RABGAP1L: variants seen among roughly 807,000 people sequenced by gnomAD.
The protein encoded by RABGAP1L is RAB GTPase activating protein 1 like, also known as rab GTPase-activating protein 1-like.
RABGAP1L carries 63 observed loss-of-function variants against 137.7 expected under a neutral mutation model. That is an observed-to-expected ratio of 0.46 (90% CI 0.37 to 0.56). The LOEUF is 0.56. RABGAP1L is among the 20% of genes least tolerant of loss of function. RABGAP1L has a pLI of 0.00. For missense variants in RABGAP1L, 1,095 were observed against 1,244.0 expected (o/e 0.88, Z 1.80); for synonymous variants, 431 against 433.7 (o/e 0.99, Z 0.08).
chr1:174,842,195 T>C (rs1356014375), intron 19 of RABGAP1L, among the ~76,000 whole-genome samples: 1 of 152,230 alleles, frequency 6.6e-6, no homozygotes, highest in Non-Finnish European at 1.5e-5. Flanking sequence ...TTAGCATTAC[T>C]ACAAATGCCT....
chr1:174,982,397 G>C (rs1194633942), intron 23 of RABGAP1L, among the ~76,000 whole-genome samples: 4 of 152,104 alleles, frequency 2.6e-5, no homozygotes, highest in Non-Finnish European at 5.9e-5. Flanking sequence ...CACTTCTTAA[G>C]GAAACTTTTG....
At chr1:174,733,070 A>C (rs1278920112) in intron 17 of RABGAP1L, among the ~76,000 whole-genome samples, 1 of 152,164 alleles carries the variant, frequency 6.6e-6, no homozygotes, top group African/African-American at 2.4e-5. Flanking sequence ...TAAGTCATAT[A>C]GTTAGGAGGA....
At chr1:174,690,439 A>G (rs1651287031) in intron 15 of RABGAP1L, among the ~76,000 whole-genome samples, 1 of 152,236 alleles carries the variant, frequency 6.6e-6, no homozygotes, top group African/African-American at 2.4e-5. Flanking sequence ...TATTATATTT[A>G]TAATGTAAAA....
intron 13 of RABGAP1L, among the ~76,000 whole-genome samples, chr1:174,610,447 G>A (rs1049030449): frequency 6.6e-6 from 1 of 151,596 alleles, no homozygotes; most frequent in African/African-American, 2.4e-5. Flanking sequence ...TCTTAATCCA[G>A]TCTATCATTG....
intron 17 of RABGAP1L, among the ~76,000 whole-genome samples, chr1:174,719,129 G>A (rs936686508): frequency 5.9e-5 from 9 of 151,956 alleles, no homozygotes; most frequent in Admixed American, 1.3e-4. Flanking sequence ...GTGAGCCACC[G>A]CACCCGGCCT....
intron 19 of RABGAP1L, among the ~76,000 whole-genome samples, chr1:174,932,124 A>C (rs2149262667): frequency 6.6e-6 from 1 of 151,140 alleles, no homozygotes; most frequent in African/African-American, 2.4e-5. Context: ...TTGGTAAATT[A>C]GAAAGGACCC....
At chr1:174,174,758 A>T (rs1269482662) in intron 1 of RABGAP1L, among the ~76,000 whole-genome samples, 1 of 152,178 alleles carries the variant, frequency 6.6e-6, no homozygotes, top group Admixed American at 6.5e-5. Context: ...CAGAACAGAG[A>T]GTGAGTGAAT....
chr1:174,551,791 C>T (rs958044587), intron 13 of RABGAP1L, among the ~76,000 whole-genome samples: 3 of 151,786 alleles, frequency 2.0e-5, no homozygotes, highest in Non-Finnish European at 2.9e-5. Flanking sequence ...AAACCTTTGA[C>T]AAGACTGAAA....
At chr1:174,983,971 C>G (rs1671356692) in intron 24 of RABGAP1L, among the ~76,000 whole-genome samples, 1 of 147,496 alleles carries the variant, frequency 6.8e-6, no homozygotes, top group Admixed American at 6.9e-5. Context: ...ACATTATAGG[C>G]ATACTGACCA....
intron 19 of RABGAP1L, among the ~76,000 whole-genome samples, chr1:174,956,256 A>G (rs1243200896): frequency 6.6e-6 from 1 of 151,870 alleles, no homozygotes; most frequent in Non-Finnish European, 1.5e-5. Context: ...GGCTGGAGTA[A>G]GTGGCCGTCA....
chr1:174,482,923 T>C (rs1659260738), intron 13 of RABGAP1L, among the ~76,000 whole-genome samples: 1 of 152,194 alleles, frequency 6.6e-6, no homozygotes, highest in African/African-American at 2.4e-5. Flanking sequence ...AAAAATAGAA[T>C]TGATAAATAA....
intron 19 of RABGAP1L, among the ~76,000 whole-genome samples, chr1:174,890,637 C>A (rs1212459920): frequency 6.6e-6 from 1 of 152,096 alleles, no homozygotes; most frequent in Non-Finnish European, 1.5e-5. Flanking sequence ...GTTTTCCCAG[C>A]AGTTTTAGTA....
chr1:174,983,655 C>A (rs1671324456), intron 24 of RABGAP1L, among the ~76,000 whole-genome samples: 1 of 152,116 alleles, frequency 6.6e-6, no homozygotes, highest in African/African-American at 2.4e-5. Flanking sequence ...CCTTTTTAAG[C>A]TTCATTTTGT....
intron 17 of RABGAP1L, among the ~76,000 whole-genome samples, chr1:174,716,669 G>A (rs1281238388): frequency 1.3e-5 from 2 of 151,984 alleles, no homozygotes; most frequent in East Asian, 1.9e-4. Context: ...GATACCTTTG[G>A]TATGAAAGCT....
chr1:174,553,947 G>T (rs1193582503), intron 13 of RABGAP1L, among the ~76,000 whole-genome samples: 1 of 152,154 alleles, frequency 6.6e-6, no homozygotes, highest in Non-Finnish European at 1.5e-5. Context: ...CTGAGATCAT[G>T]CCACTTGCAC....
intron 19 of RABGAP1L, among the ~76,000 whole-genome samples, chr1:174,825,610 A>G (rs993862301): frequency 5.3e-5 from 8 of 152,228 alleles, no homozygotes; most frequent in Non-Finnish European, 2.9e-5. Context: ...GTGGCCAGGC[A>G]TGGTGGCTCA....
chr1:174,392,590 A>G (rs1647288022), intron 12 of RABGAP1L, among the ~76,000 whole-genome samples: 1 of 152,192 alleles, frequency 6.6e-6, no homozygotes, highest in Non-Finnish European at 1.5e-5. Context: ...TAAAATTATT[A>G]ATGGGATGAG....
intron 18 of RABGAP1L, among the ~76,000 whole-genome samples, chr1:174,769,533 G>C (rs1489373407): frequency 6.6e-6 from 1 of 152,166 alleles, no homozygotes; most frequent in African/African-American, 2.4e-5. Context: ...CCCCTAGCCT[G>C]GTGGTCTCTC....
chr1:174,563,542 C>T (rs569684003), intron 13 of RABGAP1L, among the ~76,000 whole-genome samples: 10 of 152,112 alleles, frequency 6.6e-5, no homozygotes, highest in African/African-American at 2.2e-4. Flanking sequence ...AATAAATTAG[C>T]GTATGCAAAG....
Sources: gnomAD v4.1 joint callset for allele counts (sites outside exome capture counted in the v4.1 genomes callset) on GRCh38, gnomAD v4.1.1 for gene constraint, MANE v1.5 for transcripts, NCBI Gene and HGNC (gene_info 2026-07-23, HGNC 2026-07-21) for gene names.